GTF3C4: variants seen among roughly 807,000 people sequenced by gnomAD.
GTF3C4 encodes general transcription factor IIIC subunit 4.
A neutral mutation model predicts 67.5 loss-of-function variants in GTF3C4; 28 were observed. The ratio of observed to expected loss-of-function variants is 0.41; its 90% CI spans 0.31 to 0.57. GTF3C4 has a LOEUF of 0.57. Among genes scored for constraint, GTF3C4 ranks in the 20% least tolerant of loss-of-function variants. GTF3C4 has a pLI of 0.21. For synonymous variants in GTF3C4, 409 were observed against 393.0 expected (o/e 1.04, Z -0.48); for missense variants, 831 against 1,033.2 (o/e 0.80, Z 2.68).
intron 1 of GTF3C4, among the ~76,000 whole-genome samples, chr9:132,674,982 A>G (rs141786374): frequency 3.2e-3 from 492 of 152,230 alleles, no homozygotes; most frequent in Non-Finnish European, 5.3e-3. Flanking sequence ...AGTGAGCTGT[A>G]GTCACGCCAG....
intron 3 of GTF3C4, among the ~76,000 whole-genome samples, chr9:132,686,502 CTG>C (rs1836030306): frequency 6.6e-6 from 1 of 152,140 alleles, no homozygotes; most frequent in African/African-American, 2.4e-5. Context: ...CACCTGAAAA[CTG>C]TTATTTTTTG....
intron 4 of GTF3C4, 56 bp from the exon 5 acceptor site, chr9:132,688,825 C>A: frequency 7.6e-7 from 1 of 1,316,050 alleles, no homozygotes; most frequent in Non-Finnish European, 1.1e-6. Flanking sequence ...GTATTCATCC[C>A]TTTTGACTGT....
rs1836084798 is a variant in GTF3C4, at chr9:132,689,677, C to CAAAT, written c.*734_*737dup. ...AACTCCTTAATCCGTATAAAGATGT[C>CAAAT]AAATACTGTAGTTCACCCACGCCAC... On this transcript the variant is annotated 3_prime_UTR_variant, in exon 5 of 5. Transcript: ENST00000372146. 6.6e-6 allele frequency: 1 copy of CAAAT among 152,150 alleles called. No homozygotes were observed. The highest frequency in any genetic ancestry group is 2.4e-5 in the African/African-American group (1 of 41,408). 9.4% of individuals were successfully genotyped at this position (152,150 alleles called of 1,614,324 possible).
chr9:132,674,577 T>C (rs1016485382), intron 1 of GTF3C4, among the ~76,000 whole-genome samples: 1 of 152,234 alleles, frequency 6.6e-6, no homozygotes, highest in Non-Finnish European at 1.5e-5. Context: ...CTACAGTAGC[T>C]TTTATTTGTA....
At chr9:132,684,617 C>T (rs1353236442) in intron 3 of GTF3C4, among the ~76,000 whole-genome samples, 3 of 152,232 alleles carry the variant, frequency 2.0e-5, no homozygotes, top group Non-Finnish European at 4.4e-5. Context: ...CTGTATTTGT[C>T]CATCTTGTTC....
chr9:132,689,164 G>A lies in GTF3C4; in HGVS notation c.*219G>A, dbSNP rs879004915. Reference sequence around the variant, plus strand: ...TTGAAATGGCTGGACTCAGAGAGTTGGAGTCGTTTTGAGATGAGCATTAGC... The same window carrying A: ...TTGAAATGGCTGGACTCAGAGAGTTAGAGTCGTTTTGAGATGAGCATTAGC... On this transcript the variant is annotated 3_prime_UTR_variant, in exon 5 of 5. Coordinates refer to ENST00000372146, the MANE Select transcript of GTF3C4 (RefSeq NM_012204.4). 1.8e-6 allele frequency: 1 copy of A among 546,482 alleles called. No homozygotes were observed. The highest frequency in any genetic ancestry group is 2.2e-5 in the South Asian group (1 of 45,402). The allele number at this position is 546,482 out of a possible 1,614,324, so 33.9% of individuals were successfully genotyped here.
At position 132,682,455 on chromosome 9, in the gene GTF3C4, C is replaced by T. The variant is rs149396170; in HGVS notation, c.2185-1108C>T. ...AGAAATGGATTCGAAACTAGAAGGG[C>T]GCTATCACTAGTAAGAGAAGACAAC... is the stretch of plus-strand genomic sequence containing the variant. On this transcript the variant is annotated intron_variant, in intron 2 of 4. Transcript: ENST00000372146. 1.4e-3 allele frequency among the ~76,000 whole-genome samples: 214 copies of T among 151,274 alleles called. 1 individual carries two copies. Among genetic ancestry groups the T allele is most frequent in the African/African-American group, 3.9e-3 (162 of 41,168 alleles).
In GTF3C4 at chr9:132,694,909, T is replaced by C. The variant is rs1836174044; in HGVS notation, c.*5964T>C. 1 of 152,232 alleles carries C rather than the reference T, an allele frequency of 6.6e-6. No individual in the cohort carries two copies. The highest frequency in any genetic ancestry group is 2.4e-5 in the African/African-American group (1 of 41,458). The allele number at this position is 152,232 out of a possible 1,614,324, so 9.4% of individuals were successfully genotyped here. ...GTATACAGAGCCATTAGTATTGTTA[T>C]TTTGGCCACTTTTTTATTCAAAATA... On this transcript the variant is annotated 3_prime_UTR_variant, in exon 5 of 5. Transcript: ENST00000372146.
chr9:132,679,574 C>T lies in GTF3C4; in HGVS notation c.1955C>T (p.Ser652Leu), dbSNP rs371993706. ...GATGTAGAGGAGCCCACTGATGACT[C>T]GCTCCCCACGACTGGAGATGCTGGA... ...EGDVEEPTDD[S>L]LPTTGDAGGR... The change falls in exon 2 of 5, where the codon TCG (serine) becomes TTG (leucine). Residue 652 changes from serine to leucine, a missense_variant. Physicochemically the swap from Ser to Leu is moderately radical, Grantham distance 145. Around this residue, in one of 4 missense-constraint regions of GTF3C4, gnomAD observed 75 missense variants for 66.4 expected, o/e 1.13. Transcript: ENST00000372146. This position sits in a 1 kb window ranked among gnomAD's most constrained non-coding sequence, Gnocchi z 5.9. 3.1e-6 allele frequency: 5 copies of T among 1,613,926 alleles called. No homozygotes were observed. Among genetic ancestry groups the T allele is most frequent in the Admixed American group, 3.3e-5 (2 of 59,994 alleles).
upstream of GTF3C4, chr9:132,670,085 C>G (rs557467664): frequency 1.9e-6 from 3 of 1,560,678 alleles, no homozygotes; most frequent in Non-Finnish European, 2.6e-6. Context: ...CGAGGGGAGC[C>G]GGGGACGGCG....
chr9:132,689,021 T>G lies in GTF3C4; in HGVS notation c.*76T>G. On this transcript the variant is annotated 3_prime_UTR_variant, in exon 5 of 5. Transcript: ENST00000372146. ...ACTTCCTCCAGCCTGAAGAGAAGGA[T>G]GCACTGGAGGAAGCCGGACCCTCAC... 3 of 1,093,414 alleles carry G rather than the reference T, an allele frequency of 2.7e-6. No individual in the cohort carries two copies. Among genetic ancestry groups the G allele is most frequent in the Non-Finnish European group, 4.2e-6 (3 of 713,612 alleles). The allele number at this position is 1,093,414 out of a possible 1,614,324, so 67.7% of individuals were successfully genotyped here.
At chr9:132,671,044 C>T in intron 1 of GTF3C4, 89 bp downstream of exon 1, 1 of 895,382 alleles carries the variant, frequency 1.1e-6, no homozygotes, top group South Asian at 1.4e-5. Context: ...ATCCCACACT[C>T]TGTCCGGGGA....
chr9:132,686,901 A>G (rs1416969203), intron 3 of GTF3C4, among the ~76,000 whole-genome samples: 3 of 152,226 alleles, frequency 2.0e-5, no homozygotes, highest in Non-Finnish European at 2.9e-5. Context: ...AACCTAACGA[A>G]TAATTCTCAA....
intron 2 of GTF3C4, 115 bp from the exon 3 acceptor site, chr9:132,683,448 A>C: frequency 1.1e-6 from 1 of 891,594 alleles, no homozygotes; most frequent in Non-Finnish European, 1.7e-6. Flanking sequence ...CTTCTGTAAA[A>C]TATTGCTCTT....
chr9:132,670,670 A>G lies in GTF3C4; in HGVS notation c.72A>G (p.Gly24=). Residue 24 remains glycine (G), a synonymous_variant, in exon 1 of 5, where the codon GGA becomes GGG. Coordinates refer to ENST00000372146, the MANE Select transcript of GTF3C4 (RefSeq NM_012204.4). ...CTGCGCCGTCTGGGGAGGAGGAGGG[A>G]GAGGGGGGCGGCGAGGCGGGCGGGA... The part of the protein sequence containing the change: ...DGPAPSGEEE[G]EGGGEAGGKE... 6.8e-7 allele frequency: 1 copy of G among 1,478,422 alleles called. No individual in the cohort carries two copies. The highest frequency in any genetic ancestry group is 2.2e-5 in the Admixed American group (1 of 44,962). The allele number at this position is 1,478,422 out of a possible 1,614,324, so 91.6% of individuals were successfully genotyped here. A position where few individuals can be genotyped will look rare whatever the true frequency, so the allele number is the denominator to read the frequency against.
At position 132,679,669 on chromosome 9, in the gene GTF3C4, A is replaced by G. The variant is rs984241478; in HGVS notation, c.2050A>G (p.Thr684Ala). 14 of 1,614,204 alleles carry G rather than the reference A, an allele frequency of 8.7e-6. No individual in the cohort carries two copies. In the African/African-American group the frequency reaches 1.2e-4, roughly 14 times the overall value. ...AATCGAAGCTGTGGAGATGCACTTGACCAGGGAACACATGAAGCGAGTCTT... is the reference window on the plus strand; with the variant it reads ...AATCGAAGCTGTGGAGATGCACTTGGCCAGGGAACACATGAAGCGAGTCTT... The part of the protein sequence containing the change: ...GKIEAVEMHL[T>A]REHMKRVLGE... The change falls in exon 2 of 5, where the codon ACC (threonine) becomes GCC (alanine). Residue 684 changes from threonine to alanine, a missense_variant. Physicochemically the swap from Thr to Ala is moderately conservative, Grantham distance 58 (BLOSUM62 0). Transcript: ENST00000372146. This position sits in a 1 kb window ranked among gnomAD's most constrained non-coding sequence, Gnocchi z 5.9.
chr9:132,671,257 AT>A (rs1258340484), intron 1 of GTF3C4, among the ~76,000 whole-genome samples: 33 of 152,226 alleles, frequency 2.2e-4, no homozygotes, highest in African/African-American at 7.7e-4. Flanking sequence ...GGGCCCGCAC[AT>A]GGAGCGGGTT....
chr9:132,679,456 G>A lies in GTF3C4; in HGVS notation c.1837G>A (p.Gly613Arg). 1 of 1,614,140 alleles carries A rather than the reference G, an allele frequency of 6.2e-7. No individual in the cohort carries two copies. Among genetic ancestry groups the A allele is most frequent in the Non-Finnish European group, 8.5e-7 (1 of 1,180,024 alleles). ...AAAAATCTTACTAGTGGATTCGCCT[G>A]GGATGGGCAATGCTGACGATGAACA... ...DSKILLVDSP[G>R]MGNADDEQQE... The change falls in exon 2 of 5, where the codon GGG becomes AGG. Residue 613 changes from glycine (G) to arginine (R), a missense_variant. This residue lies in a region of GTF3C4 where 75 missense variants were observed against 66.4 expected (regional missense o/e 1.13). Coordinates refer to ENST00000372146, the MANE Select transcript of GTF3C4 (RefSeq NM_012204.4). The surrounding 1 kb of genome is among the most constrained non-coding windows in gnomAD (Gnocchi z 5.9).
intron 4 of GTF3C4, among the ~76,000 whole-genome samples, chr9:132,688,213 T>TGTA (rs1313720743): frequency 3.3e-5 from 5 of 152,222 alleles, no homozygotes; most frequent in African/African-American, 9.6e-5. Context: ...CTGTTTCATG[T>TGTA]GTAGTTCCCT....
Sources: gnomAD v4.1 joint callset for allele counts (sites outside exome capture counted in the v4.1 genomes callset) on GRCh38, gnomAD v4.1.1 for gene constraint, gnomAD v4.1.1 regional missense constraint, Gnocchi (gnomAD v3.1) non-coding constraint, MANE v1.5 for transcripts, NCBI Gene and HGNC (gene_info 2026-07-23, HGNC 2026-07-21) for gene names.